MAP3K14: variants seen among roughly 807,000 people sequenced by gnomAD.
The protein encoded by MAP3K14 is NF-kappa-beta-inducing kinase.
Under a neutral mutation model 99.2 loss-of-function variants are expected in MAP3K14, and 16 were observed. That is an observed-to-expected ratio of 0.16 (90% CI 0.11 to 0.24). MAP3K14 has a LOEUF of 0.24. Among genes scored for constraint, MAP3K14 ranks in the 10% least tolerant of loss-of-function variants. The pLI, the probability that MAP3K14 is intolerant of heterozygous loss-of-function variation, is 1.00. For missense variants in MAP3K14, 784 were observed against 1,208.7 expected, an observed-to-expected ratio of 0.65 and a Z score of 5.21; for synonymous variants, 462 against 492.4, an observed-to-expected ratio of 0.94 and a Z score of 0.82.
intron 9 of MAP3K14, 79 bp from the exon 10 acceptor site, chr17:45,271,300 C>T (rs2044141026): frequency 1.6e-6 from 2 of 1,256,154 alleles, no homozygotes; most frequent in Non-Finnish European, 2.2e-6. Context: ...CTGGTTAATC[C>T]TCGGGGTATC....
chr17:45,284,894 T>C lies in MAP3K14; in HGVS notation c.1208A>G (p.Gln403Arg), dbSNP rs1470687063. 6.4e-7 allele frequency: 1 copy of C among 1,561,634 alleles called. No homozygotes were observed. The highest frequency in any genetic ancestry group is 1.9e-5 in the Admixed American group (1 of 52,102). The change falls in exon 6 of 16, where the codon CAG (glutamine) becomes CGG (arginine). Residue 403 changes from glutamine to arginine, a missense_variant. Coordinates refer to ENST00000344686, the MANE Select transcript of MAP3K14 (RefSeq NM_003954.5). ...YREEVHWATH[Q>R]LRLGRGSFGE... The stretch of plus-strand genomic sequence containing the variant: ...GAAGGAGCCTCTGCCCAGGCGGAGC[T>C]GGTGCGTGGCCCAGTGGACTTCTTC...
intron 1 of MAP3K14, among the ~76,000 whole-genome samples, chr17:45,312,788 G>A (rs1398649424): frequency 6.6e-6 from 1 of 152,170 alleles, no homozygotes; most frequent in East Asian, 1.9e-4. Context: ...GAGAGAAGCT[G>A]ACAAAGACAT....
rs766888695 is a variant in MAP3K14 at position 45,287,279 on chromosome 17, G to A, written c.412C>T (p.Arg138Cys). Residue 138 changes from arginine (R) to cysteine (C), a missense_variant, in exon 4 of 16, where the codon CGT (arginine) becomes TGT (cysteine). Physicochemically the swap from Arg to Cys is radical, Grantham distance 180. Coordinates refer to ENST00000344686, the MANE Select transcript of MAP3K14 (RefSeq NM_003954.5). Reference protein sequence around the residue: ...KMARVCWKGKRRSKARKKRKK... With the variant: ...KMARVCWKGKCRSKARKKRKK... ...CGTTTCTTCCGGGCTTTGCTGCGAC[G>A]CTTTCCCTTCCAACACACACGGGCC... 14 of 1,613,888 alleles carry A rather than the reference G, an allele frequency of 8.7e-6. No homozygotes were observed. Among genetic ancestry groups the A allele is most frequent in the Admixed American group, 5.0e-5 (3 of 59,994 alleles).
At chr17:45,293,798 C>T (rs1213460405) in intron 1 of MAP3K14, among the ~76,000 whole-genome samples, 1 of 152,192 alleles carries the variant, frequency 6.6e-6, no homozygotes, top group Non-Finnish European at 1.5e-5. Flanking sequence ...TCTCCCCAAA[C>T]ACCACCTCCC....
In MAP3K14 at chr17:45,286,593, C is replaced by G; in HGVS notation, c.990G>C (p.Lys330Asn). The G allele has an allele frequency of 6.2e-7, 1 of 1,611,518 alleles. No individual in the cohort carries two copies. The highest frequency in any genetic ancestry group is 8.5e-7 in the Non-Finnish European group (1 of 1,178,970). Residue 330 changes from lysine (K) to asparagine (N), a missense_variant, in exon 5 of 16, where the codon AAG becomes AAC. Lys to Asn is a moderately conservative substitution (Grantham distance 94). Transcript: ENST00000344686. The surrounding 1 kb of genome is among the most constrained non-coding windows in gnomAD (Gnocchi z 4.1). Reference protein sequence around the residue: ...PSCLSRGAHEKFSVEEYLVHA... With the variant: ...PSCLSRGAHENFSVEEYLVHA... ...GCACTAGGTATTCCTCCACAGAAAA[C>G]TTCTCATGGGCACCACGAGACAGGC... is the stretch of plus-strand genomic sequence containing the variant.
intron 9 of MAP3K14, among the ~76,000 whole-genome samples, chr17:45,271,700 G>A (rs1355343445): frequency 2.0e-5 from 3 of 152,196 alleles, no homozygotes; most frequent in East Asian, 3.8e-4. Context: ...CTTGTAGGGA[G>A]GAGCTAGGCG....
rs141291855 is a variant in MAP3K14 at position 45,273,109 on chromosome 17, C to T, written c.1657+394G>A. 1.4e-3 allele frequency among the ~76,000 whole-genome samples: 213 copies of T among 152,340 alleles called. 1 individual carries two copies. The highest frequency in any genetic ancestry group is 4.6e-3 in the African/African-American group (191 of 41,578). On this transcript the variant is annotated intron_variant, in intron 9 of 15. Coordinates refer to ENST00000344686, the MANE Select transcript of MAP3K14 (RefSeq NM_003954.5). The stretch of plus-strand genomic sequence containing the variant: ...TATTTCACTGACTTTAGAGCCCAGG[C>T]CCCTTGGTCAGCCTGCCCACTGTGC...
rs2044262946 is a variant in MAP3K14 at position 45,286,227 on chromosome 17, A to G, written c.1152+204T>C. 1.3e-5 allele frequency among the ~76,000 whole-genome samples: 2 copies of G among 152,138 alleles called. No individual in the cohort carries two copies. Among genetic ancestry groups the G allele is most frequent in the African/African-American group, 2.4e-5 (1 of 41,434 alleles). ...ACATTCAGCAAGCAGGAGGTGACCA[A>G]CCAGAAGAACTCAGAACAGAAGACG... On this transcript the variant is annotated intron_variant, in intron 5 of 15. Coordinates refer to ENST00000344686, the MANE Select transcript of MAP3K14 (RefSeq NM_003954.5). This position sits in a 1 kb window ranked among gnomAD's most constrained non-coding sequence, Gnocchi z 4.1.
chr17:45,273,363 ATAATCAT>A, intron 9 of MAP3K14, 133 bp downstream of exon 9: 1 of 643,002 alleles, frequency 1.6e-6, no homozygotes, highest in Non-Finnish European at 2.8e-6. Context: ...GAAACCCCTG[ATAATCAT>A]CCAGGCTGGT....
At chr17:45,273,043 G>A (rs1355987442) in intron 9 of MAP3K14, among the ~76,000 whole-genome samples, 1 of 152,210 alleles carries the variant, frequency 6.6e-6, no homozygotes, top group Non-Finnish European at 1.5e-5. Flanking sequence ...ACTTCACAGT[G>A]GGCATGGATT....
chr17:45,313,580 C>G (rs372152319), intron 1 of MAP3K14, among the ~76,000 whole-genome samples: 2 of 152,180 alleles, frequency 1.3e-5, no homozygotes, highest in Admixed American at 1.3e-4. Flanking sequence ...ACATGTGACA[C>G]GGAGACACCA....
rs2044039565 is a variant in MAP3K14, at chr17:45,263,687, C to G, written c.*949G>C. ...GGGTGAGTGTCAGTGTGATGCTGAG[C>G]TGTGCTCTGGGGAACCAGCACGCTG... is the stretch of plus-strand genomic sequence containing the variant. On this transcript the variant is annotated 3_prime_UTR_variant, in exon 16 of 16. Coordinates refer to ENST00000344686, the MANE Select transcript of MAP3K14 (RefSeq NM_003954.5). 1 of 152,730 alleles carries G rather than the reference C, an allele frequency of 6.5e-6. No individual in the cohort carries two copies. Among genetic ancestry groups the G allele is most frequent in the South Asian group, 2.1e-4 (1 of 4,828 alleles). 9.5% of individuals were successfully genotyped at this position (152,730 alleles called of 1,614,324 possible).
chr17:45,295,950 C>G (rs1309348948), intron 1 of MAP3K14, among the ~76,000 whole-genome samples: 1 of 152,164 alleles, frequency 6.6e-6, no homozygotes, highest in Non-Finnish European at 1.5e-5. Context: ...ATGCTTGGAG[C>G]CTTGATTCTC....
chr17:45,280,910 C>T (rs1293051327), intron 6 of MAP3K14, among the ~76,000 whole-genome samples: 2 of 152,058 alleles, frequency 1.3e-5, no homozygotes, highest in African/African-American at 2.4e-5. Flanking sequence ...TGCGCCTGGC[C>T]GACAAACACT....
At chr17:45,270,685 GA>G (rs921504864) in intron 10 of MAP3K14, 122 bp from the exon 11 acceptor site, 1 of 1,321,948 alleles carries the variant, frequency 7.6e-7, no homozygotes, top group African/African-American at 1.5e-5. Flanking sequence ...CTACCACAAG[GA>G]ATGGAGGGGT....
At chr17:45,273,449 G>A (rs1008989040) in intron 9 of MAP3K14, 54 bp downstream of exon 9, 1 of 1,341,596 alleles carries the variant, frequency 7.5e-7, no homozygotes, top group African/African-American at 1.4e-5. Context: ...AAGCATGGAA[G>A]GCATTTGGCG....
Position 45,274,152 on chromosome 17 carries a change from G to A in MAP3K14, c.1523C>T (p.Ser508Leu). ...GACGTCCCCATGCAGAATCCTTCGT[G>A]AGTGGAGGTATTCCAGACCCTCCAG... ...QALEGLEYLHSRRILHGDVKA... is the reference protein window; with the variant it reads ...QALEGLEYLHLRRILHGDVKA... Residue 508 changes from serine to leucine, a missense_variant, in exon 8 of 16, where the codon TCA becomes TTA. By Grantham distance (145) the Ser-to-Leu change is moderately radical. This residue lies in a region of MAP3K14 where 200 missense variants were observed against 367.9 expected (regional missense o/e 0.54). Transcript: ENST00000344686. The A allele has an allele frequency of 6.2e-7, 1 of 1,607,846 alleles. No individual in the cohort carries two copies. The highest frequency in any genetic ancestry group is 8.5e-7 in the Non-Finnish European group (1 of 1,177,132).
chr17:45,290,269 C>T (rs773390891), intron 2 of MAP3K14, among the ~76,000 whole-genome samples: 11 of 152,226 alleles, frequency 7.2e-5, no homozygotes, highest in African/African-American at 9.7e-5. Flanking sequence ...TCCCCTGCTC[C>T]AGTCACGATG....
At chr17:45,308,329 T>A (rs2044445772) in intron 1 of MAP3K14, among the ~76,000 whole-genome samples, 1 of 152,214 alleles carries the variant, frequency 6.6e-6, no homozygotes. Flanking sequence ...CTTGGAATGC[T>A]GAACCCAGTT....
Sources: gnomAD v4.1 joint callset for allele counts (sites outside exome capture counted in the v4.1 genomes callset) on GRCh38, gnomAD v4.1.1 for gene constraint, gnomAD v4.1.1 regional missense constraint, Gnocchi (gnomAD v3.1) non-coding constraint, MANE v1.5 for transcripts, NCBI Gene and HGNC (gene_info 2026-07-23, HGNC 2026-07-21) for gene names.